Variants in TSC22D1 observed in about 807,000 individuals in gnomAD.
The protein encoded by TSC22D1 is TSC22 domain family member 1.
TSC22D1 carries 9 observed loss-of-function variants against 74.2 expected under a neutral mutation model. The ratio of observed to expected loss-of-function variants is 0.12; its 90% CI spans 0.07 to 0.21. The LOEUF (loss-of-function observed/expected upper bound fraction) is 0.21, where lower values mean the gene tolerates loss of function less well. TSC22D1 is among the 10% of genes least tolerant of loss of function. The pLI, the probability that TSC22D1 is intolerant of heterozygous loss-of-function variation, is 1.00. For synonymous variants in TSC22D1, 586 were observed against 492.5 expected, an observed-to-expected ratio of 1.19 and a Z score of -2.51; for missense variants, 1,427 against 1,304.7, an observed-to-expected ratio of 1.09 and a Z score of -1.44.
chr13:44,435,076 C>G, intron 2 of TSC22D1, 193 bp from the exon 3 acceptor site: 1 of 563,846 alleles, frequency 1.8e-6, no homozygotes, highest in Non-Finnish European at 3.1e-6. Context: ...TATAAATGAT[C>G]AAGCTTTGTA....
intron 1 of TSC22D1, among the ~76,000 whole-genome samples, chr13:44,509,950 C>CAAAAAAAAAAAAAAAAAAAAACAAA: frequency 1.4e-4 from 7 of 51,426 alleles, no homozygotes; most frequent in African/African-American, 2.3e-4. Flanking sequence ...AGAAAATAAG[C>CAAAAAAAAAAAAAAAAAAAAACAAA]AAAAAAAAAA....
At chr13:44,472,488 A>T (rs1595102494) in intron 1 of TSC22D1, among the ~76,000 whole-genome samples, 1 of 152,264 alleles carries the variant, frequency 6.6e-6, no homozygotes, top group Admixed American at 6.5e-5. Context: ...CTCACTCAAC[A>T]AACATATGAG....
At chr13:44,531,186 G>A (rs1309991752) in intron 1 of TSC22D1, among the ~76,000 whole-genome samples, 1 of 152,056 alleles carries the variant, frequency 6.6e-6, no homozygotes, top group Non-Finnish European at 1.5e-5. Context: ...AACACAAGAT[G>A]GTAACAGGAA....
intron 1 of TSC22D1, among the ~76,000 whole-genome samples, chr13:44,551,934 C>A (rs1049197494): frequency 6.6e-6 from 1 of 152,110 alleles, no homozygotes; most frequent in Non-Finnish European, 1.5e-5. Flanking sequence ...AAAAAAAGAC[C>A]AACACTTTCA....
At chr13:44,537,354 T>G (rs1881210361) in intron 1 of TSC22D1, 4 of 985,010 alleles carry the variant, frequency 4.1e-6, no homozygotes, top group Admixed American at 1.2e-4. Flanking sequence ...TGTAGTGGCA[T>G]GAGGTGACTA....
chr13:44,438,928 AGCACCATTT>A (rs1874963759), intron 1 of TSC22D1, among the ~76,000 whole-genome samples: 1 of 152,238 alleles, frequency 6.6e-6, no homozygotes, highest in Non-Finnish European at 1.5e-5. Flanking sequence ...AGGGTATTAA[AGCACCATTT>A]AAGCTATAAA....
At chr13:44,537,602 T>C (rs1049988847) in intron 1 of TSC22D1, 1 of 984,894 alleles carries the variant, frequency 1.0e-6, no homozygotes, top group Admixed American at 6.2e-5. Context: ...ACAGTTGTTT[T>C]TTTTAATTTA....
At chr13:44,530,029 G>A (rs1389350255) in intron 1 of TSC22D1, among the ~76,000 whole-genome samples, 4 of 152,022 alleles carry the variant, frequency 2.6e-5, no homozygotes, top group East Asian at 3.9e-4. Flanking sequence ...TGCAATCCCA[G>A]TCAAAATCCT....
At chr13:44,552,868 GT>G (rs1331725885) in intron 1 of TSC22D1, among the ~76,000 whole-genome samples, 3 of 152,054 alleles carry the variant, frequency 2.0e-5, no homozygotes, top group Non-Finnish European at 2.9e-5. Flanking sequence ...GGCGCCTTTA[GT>G]CCCATCTACT....
chr13:44,549,442 C>T (rs976425064), intron 1 of TSC22D1, among the ~76,000 whole-genome samples: 13 of 152,088 alleles, frequency 8.5e-5, no homozygotes, highest in African/African-American at 3.1e-4. Context: ...CAGAAGGCAT[C>T]CTCAGCCTTA....
chr13:44,462,598 A>C (rs1334423012), intron 1 of TSC22D1, among the ~76,000 whole-genome samples: 1 of 152,224 alleles, frequency 6.6e-6, no homozygotes, highest in Non-Finnish European at 1.5e-5. Context: ...TTACAGCACA[A>C]AAATCTAAAT....
chr13:44,573,022 T>C (rs905131334), intron 1 of TSC22D1, 141 bp downstream of exon 1: 21 of 1,243,400 alleles, frequency 1.7e-5, no homozygotes, highest in African/African-American at 7.6e-5. Flanking sequence ...TCTTGCTCTA[T>C]AAAACTTCCC....
intron 1 of TSC22D1, among the ~76,000 whole-genome samples, chr13:44,556,304 T>C (rs1234959415): frequency 2.0e-5 from 3 of 151,530 alleles, no homozygotes; most frequent in Non-Finnish European, 4.4e-5. Context: ...CCTTGTACTT[T>C]GGGAGGCCAA....
intron 1 of TSC22D1, among the ~76,000 whole-genome samples, chr13:44,456,078 G>T (rs376094009): frequency 2.6e-5 from 4 of 152,142 alleles, no homozygotes; most frequent in Non-Finnish European, 5.9e-5. Flanking sequence ...TCTGGAATTG[G>T]TTCCTTCCCG....
intron 1 of TSC22D1, among the ~76,000 whole-genome samples, chr13:44,459,256 A>C (rs1176516669): frequency 6.6e-6 from 1 of 152,092 alleles, no homozygotes; most frequent in East Asian, 1.9e-4. Flanking sequence ...ACTTGTGGGG[A>C]ATGACCTGCC....
At chr13:44,557,422 C>T (rs1882728027) in intron 1 of TSC22D1, among the ~76,000 whole-genome samples, 1 of 152,238 alleles carries the variant, frequency 6.6e-6, no homozygotes, top group African/African-American at 2.4e-5. Flanking sequence ...GATCACGTCA[C>T]TGCACTCCAG....
At chr13:44,557,736 T>C (rs770116345) in intron 1 of TSC22D1, among the ~76,000 whole-genome samples, 1 of 152,334 alleles carries the variant, frequency 6.6e-6, no homozygotes, top group Non-Finnish European at 1.5e-5. Flanking sequence ...AGTATTTTAA[T>C]AGAATTTTAA....
rs543302008 is a variant in TSC22D1, at chr13:44,462,926, G to A, written c.2913-26831C>T. 2.0e-5 allele frequency among the ~76,000 whole-genome samples: 3 copies of A among 152,256 alleles called. No individual in the cohort carries two copies. The South Asian group carries it at 6.2e-4, about 32-fold the overall frequency. On this transcript the variant is annotated intron_variant, in intron 1 of 2. Transcript: ENST00000458659. ...TATTTGTGAAAAGTAAAGAGTTACA[G>A]CTAACATATAATTACAAACTATAAA...
chr13:44,520,169 CATG>C (rs1263318467), intron 1 of TSC22D1, among the ~76,000 whole-genome samples: 1 of 152,154 alleles, frequency 6.6e-6, no homozygotes, highest in Non-Finnish European at 1.5e-5. Flanking sequence ...AGAATTGACA[CATG>C]ATAACCAAGG....
Sources: allele counts gnomAD v4.1 joint callset (sites outside exome capture counted in the v4.1 genomes callset), GRCh38; gene constraint gnomAD v4.1.1; transcripts MANE v1.5; gene names NCBI Gene and HGNC (gene_info 2026-07-23, HGNC 2026-07-21).